STRADA: variants seen among roughly 807,000 people sequenced by gnomAD.
STRADA encodes STE20-related kinase adapter protein alpha.
Under a neutral mutation model 55.0 loss-of-function variants are expected in STRADA, and 26 were observed. That is an observed-to-expected ratio of 0.47 (90% CI 0.35 to 0.66). STRADA has a LOEUF of 0.66. STRADA is among the 30% of genes least tolerant of loss of function. The probability of loss-of-function intolerance (pLI) is 0.01; values close to 1 mark genes in which losing one functional copy is unlikely to be tolerated. For synonymous variants in STRADA, 197 were observed against 210.9 expected, an observed-to-expected ratio of 0.93 and a Z score of 0.57; for missense variants, 443 against 549.7, an observed-to-expected ratio of 0.81 and a Z score of 1.94.
intron 6 of STRADA, chr17:63,711,050 G>C (rs1475731206): frequency 1.8e-6 from 1 of 550,032 alleles, no homozygotes; most frequent in African/African-American, 1.9e-5. Context: ...TGCCAGATAG[G>C]GAAACTGCCA....
intron 1 of STRADA, among the ~76,000 whole-genome samples, chr17:63,734,226 C>T (rs1208851918): frequency 6.6e-6 from 1 of 152,158 alleles, no homozygotes. Flanking sequence ...CTTGAATAGC[C>T]TTTATTTTAT....
chr17:63,703,530 G>A lies in STRADA; in HGVS notation c.*69C>T, dbSNP rs552249149. 2.6e-5 allele frequency: 38 copies of A among 1,454,744 alleles called. No individual in the cohort carries two copies. The African/African-American group carries it at 2.8e-4, about 11-fold the overall frequency. 90.1% of individuals were successfully genotyped at this position (1,454,744 alleles called of 1,614,324 possible). A position where few individuals can be genotyped will look rare whatever the true frequency, so the allele number is the denominator to read the frequency against. On this transcript the variant is annotated 3_prime_UTR_variant, in exon 13 of 13. Coordinates refer to ENST00000336174, the MANE Select transcript of STRADA (RefSeq NM_001003787.4). ...TGCCCAGGAGGGCGGGAATGTGGCCGGCCCTCAGGAAGGGCCTCTGGGTGG... is the reference window on the plus strand; with the variant it reads ...TGCCCAGGAGGGCGGGAATGTGGCCAGCCCTCAGGAAGGGCCTCTGGGTGG...
intron 4 of STRADA, among the ~76,000 whole-genome samples, chr17:63,716,414 T>C (rs1454591440): frequency 1.3e-5 from 2 of 152,156 alleles, no homozygotes; most frequent in Admixed American, 1.3e-4. Flanking sequence ...TCTTATTAAT[T>C]TATCTTTTCC....
intron 9 of STRADA, 24 bp downstream of exon 9, chr17:63,707,223 G>C (rs766628718): frequency 1.3e-5 from 21 of 1,611,882 alleles, no homozygotes; most frequent in Non-Finnish European, 1.8e-5. Context: ...GGGTAGGGGA[G>C]CTCCTCTGGG....
At chr17:63,735,321 A>G (rs1001631684) in intron 1 of STRADA, among the ~76,000 whole-genome samples, 3 of 152,222 alleles carry the variant, frequency 2.0e-5, no homozygotes, top group Non-Finnish European at 2.9e-5. Flanking sequence ...ATACTCTGAA[A>G]TAAGACGAGC....
At position 63,711,474 on chromosome 17, in the gene STRADA, G is replaced by A. The variant is rs1168865121; in HGVS notation, c.349-638C>T. ...CAAGTCATCCTCCCACCTCAGCCTC[G>A]CTGGTAGCTGCGACCACAGGTGGAC... On this transcript the variant is annotated intron_variant, in intron 6 of 12. Transcript: ENST00000336174. Among the ~76,000 whole-genome samples, 5 of 152,170 alleles carry A rather than the reference G, an allele frequency of 3.3e-5. No homozygotes were observed. The East Asian group carries it at 7.8e-4, about 24-fold the overall frequency.
intron 6 of STRADA, among the ~76,000 whole-genome samples, chr17:63,712,177 G>C (rs190884812): frequency 1.3e-5 from 2 of 152,160 alleles, no homozygotes; most frequent in Non-Finnish European, 2.9e-5. Context: ...CAGGAAAGGA[G>C]AGTCTAACTC....
In STRADA at chr17:63,720,698, C is replaced by T. The variant is rs1255767228; in HGVS notation, c.123+2600G>A. ...CTGAGGCAGGAGAATGCCGTGAACC[C>T]GGGGAGGCAGAGCTTGCAGTGAGCT... is the stretch of plus-strand genomic sequence containing the variant. On this transcript the variant is annotated intron_variant, in intron 4 of 12. Transcript: ENST00000336174. Among the ~76,000 whole-genome samples, 6 of 150,762 alleles carry T rather than the reference C, an allele frequency of 4.0e-5. No individual in the cohort carries two copies. The South Asian group carries it at 6.3e-4, about 16-fold the overall frequency.
rs1040503759 is a variant in STRADA, at chr17:63,706,814, G to C, written c.754-75C>G. ...TAGAAAAAGGGTAGAACTAAAGAGA[G>C]GAAAAGGATGGCTGTCCCCACATCA... On this transcript the variant is annotated intron_variant, in intron 9 of 12. Coordinates refer to ENST00000336174, the MANE Select transcript of STRADA (RefSeq NM_001003787.4). 8 of 1,152,324 alleles carry C rather than the reference G, an allele frequency of 6.9e-6. No homozygotes were observed. In the African/African-American group the frequency reaches 1.2e-4, roughly 18 times the overall value. The allele number at this position is 1,152,324 out of a possible 1,614,324, so 71.4% of individuals were successfully genotyped here. A position where few individuals can be genotyped will look rare whatever the true frequency, so the allele number is the denominator to read the frequency against.
At chr17:63,735,116 T>C (rs2038324859) in intron 1 of STRADA, among the ~76,000 whole-genome samples, 1 of 152,156 alleles carries the variant, frequency 6.6e-6, no homozygotes, top group Non-Finnish European at 1.5e-5. Context: ...GATCGTGCCA[T>C]TGCACACGCC....
At chr17:63,733,583 C>A (rs1249951405) in intron 1 of STRADA, among the ~76,000 whole-genome samples, 1 of 152,154 alleles carries the variant, frequency 6.6e-6, no homozygotes, top group African/African-American at 2.4e-5. Context: ...ATATAGCAGG[C>A]CTAACTTCTT....
At chr17:63,723,687 A>G (rs1198874459) in intron 3 of STRADA, 7 of 186,714 alleles carry the variant, frequency 3.7e-5, no homozygotes, top group Non-Finnish European at 5.5e-5. Flanking sequence ...GTGAATAAAC[A>G]ATTGATTATA....
chr17:63,705,294 A>C, intron 10 of STRADA: 2 of 282,548 alleles, frequency 7.1e-6, no homozygotes, highest in Non-Finnish European at 6.9e-6. Flanking sequence ...CACCTTCTAA[A>C]TGCTCGACAG....
chr17:63,714,682 G>C (rs755470742), intron 4 of STRADA: 1 of 175,146 alleles, frequency 5.7e-6, no homozygotes, highest in African/African-American at 2.4e-5. Flanking sequence ...TGCAGGCAAG[G>C]CACAGAGCTG....
At chr17:63,735,957 G>A (rs1241120670) in intron 1 of STRADA, among the ~76,000 whole-genome samples, 1 of 151,644 alleles carries the variant, frequency 6.6e-6, no homozygotes, top group Non-Finnish European at 1.5e-5. Flanking sequence ...TTTTTTTTGA[G>A]ACGGAGTCTG....
At chr17:63,709,841 C>G (rs540914747) in intron 8 of STRADA, among the ~76,000 whole-genome samples, 2 of 152,232 alleles carry the variant, frequency 1.3e-5, no homozygotes, top group Non-Finnish European at 2.9e-5. Context: ...GGTCTCTCAG[C>G]ATAAGACTGA....
At chr17:63,732,031 A>G (rs548433663) in intron 1 of STRADA, among the ~76,000 whole-genome samples, 2 of 148,198 alleles carry the variant, frequency 1.3e-5, no homozygotes, top group African/African-American at 4.9e-5. Flanking sequence ...CACCCGGCTA[A>G]TTTTTTTTTT....
At chr17:63,705,006 G>A in intron 10 of STRADA, 1 of 1,175,322 alleles carries the variant, frequency 8.5e-7, no homozygotes, top group Non-Finnish European at 1.2e-6. Flanking sequence ...TCCCTGCAGT[G>A]CCACAGCCTG....
intron 1 of STRADA, among the ~76,000 whole-genome samples, chr17:63,734,097 T>C (rs1371973209): frequency 6.6e-6 from 1 of 152,232 alleles, no homozygotes; most frequent in Non-Finnish European, 1.5e-5. Flanking sequence ...CAGGGATACC[T>C]GAAGGAAATT....
Sources: gnomAD v4.1 joint callset for allele counts (sites outside exome capture counted in the v4.1 genomes callset) on GRCh38, gnomAD v4.1.1 for gene constraint, MANE v1.5 for transcripts, NCBI Gene and HGNC (gene_info 2026-07-23, HGNC 2026-07-21) for gene names.